CCHCR1: variants seen among roughly 807,000 people sequenced by gnomAD.
CCHCR1 encodes coiled-coil alpha-helical rod protein 1.
A neutral mutation model predicts 114.6 loss-of-function variants in CCHCR1; 91 were observed. That is an observed-to-expected ratio of 0.79 (90% CI 0.67 to 0.94). CCHCR1 has a LOEUF of 0.94. CCHCR1 is among the 40% of genes least tolerant of loss of function. The probability of loss-of-function intolerance (pLI) is 0.00; values close to 1 mark genes in which losing one functional copy is unlikely to be tolerated. For synonymous variants in CCHCR1, 379 were observed against 428.5 expected (o/e 0.88, Z 1.43); for missense variants, 899 against 1,079.9 (o/e 0.83, Z 2.35).
At position 31,143,375 on chromosome 6, in the gene CCHCR1, C is replaced by T; in HGVS notation, c.2206G>A (p.Glu736Lys). 6.2e-7 allele frequency: 1 copy of T among 1,612,970 alleles called. No individual in the cohort carries two copies. Among genetic ancestry groups the T allele is most frequent in the African/African-American group, 1.3e-5 (1 of 75,026 alleles). The change falls in exon 16 of 18, where the codon GAA (glutamate) becomes AAA (lysine). Residue 736 changes from glutamate (E) to lysine (K), a missense_variant. Glu to Lys is a moderately conservative substitution (Grantham distance 56). Transcript: ENST00000396268. This position sits in a 1 kb window ranked among gnomAD's most constrained non-coding sequence, Gnocchi z 5.3. ...LRQIQRRAAQEKERSQELRRL... is the reference protein window; with the variant it reads ...LRQIQRRAAQKKERSQELRRL... Reference sequence around the variant, plus strand: ...CTGAGTTCCTGGCTCCGCTCCTTTTCCTGGGCGGCTCTGCGCTGAATCTGG... The same window carrying T: ...CTGAGTTCCTGGCTCCGCTCCTTTTTCTGGGCGGCTCTGCGCTGAATCTGG...
chr6:31,149,585 G>A (rs767314933), intron 8 of CCHCR1: 2 of 153,150 alleles, frequency 1.3e-5, no homozygotes, highest in Non-Finnish European at 2.9e-5. Context: ...TGGGACTACA[G>A]GAATGAGCCA....
In CCHCR1 at chr6:31,157,454, G is replaced by A. The variant is rs1189601647; in HGVS notation, c.147C>T (p.Pro49=). The change falls in exon 1 of 18, where the codon CCC becomes CCT. Residue 49 remains proline (P), a synonymous_variant. Transcript: ENST00000396268. ...GTGAGAAAGGAGGTACACAGTGCAGGGGTCTTGAGCGCCATCTCCAGAGTT... is the reference window on the plus strand; with the variant it reads ...GTGAGAAAGGAGGTACACAGTGCAGAGGTCTTGAGCGCCATCTCCAGAGTT... ...WRELWRWRSR[P]LHCVPPFSPL... The A allele has an allele frequency of 6.2e-7, 1 of 1,613,036 alleles. No individual in the cohort carries two copies. The highest frequency in any genetic ancestry group is 1.3e-5 in the African/African-American group (1 of 75,038).
chr6:31,156,393 C>A (rs1776013845), intron 3 of CCHCR1: 1 of 329,820 alleles, frequency 3.0e-6, no homozygotes, highest in Non-Finnish European at 5.5e-6. Flanking sequence ...TGAACCCACA[C>A]TGCCACAGTG....
intron 3 of CCHCR1, among the ~76,000 whole-genome samples, chr6:31,155,691 G>T (rs1255868091): frequency 6.6e-6 from 1 of 152,064 alleles, no homozygotes; most frequent in Non-Finnish European, 1.5e-5. Flanking sequence ...AGCCTTTAGA[G>T]AAATCGTCTA....
chr6:31,150,875 G>T lies in CCHCR1; in HGVS notation c.966-15C>A, dbSNP rs757525647. ...CCTGGGTCTTGCTAGGGTTGGGGTG[G>T]GAATGGGACAGCCATCAGTGGGGCG... On this transcript the variant is annotated splice_polypyrimidine_tract_variant and intron_variant, in intron 5 of 17. Coordinates refer to ENST00000396268, the MANE Select transcript of CCHCR1 (RefSeq NM_001105564.2). This position sits in a 1 kb window ranked among gnomAD's most constrained non-coding sequence, Gnocchi z 5.3. The T allele has an allele frequency of 6.2e-7, 1 of 1,612,030 alleles. No homozygotes were observed. The highest frequency in any genetic ancestry group is 1.3e-5 in the African/African-American group (1 of 74,904).
chr6:31,142,634 G>T lies in CCHCR1; in HGVS notation c.2574C>A (p.Asn858Lys). The T allele has an allele frequency of 6.2e-7, 1 of 1,613,506 alleles. No individual in the cohort carries two copies. Among genetic ancestry groups the T allele is most frequent in the Non-Finnish European group, 8.5e-7 (1 of 1,179,892 alleles). Residue 858 changes from asparagine to lysine, a missense_variant, in exon 18 of 18, where the codon AAC (asparagine) becomes AAA (lysine). Physicochemically the swap from Asn to Lys is moderately conservative, Grantham distance 94 (BLOSUM62 0). Transcript: ENST00000396268. ...SKEEAVCQGD[N>K]LDRCSSSNPQ... The stretch of plus-strand genomic sequence containing the variant: ...GATTGGAGCTGGAGCATCTGTCAAG[G>T]TTGTCTCCTTGACAAACAGCTTCCT...
rs1314893145 is a variant in CCHCR1, at chr6:31,148,723, G to C, written c.1368C>G (p.Ala456=). The C allele has an allele frequency of 6.2e-7, 1 of 1,603,042 alleles. No individual in the cohort carries two copies. The highest frequency in any genetic ancestry group is 8.5e-7 in the Non-Finnish European group (1 of 1,171,028). ...DSVKQLKGQV[A]SLQEKVTSQS... is the part of the protein sequence containing the mutation. ...GGGATGTCACTTTTTCCTGGAGTGA[G>C]GCCACCTGGGGGAGGAGAGAGAGCT... The change falls in exon 9 of 18, where the codon GCC becomes GCG. Residue 456 remains alanine, a synonymous_variant. Coordinates refer to ENST00000396268, the MANE Select transcript of CCHCR1 (RefSeq NM_001105564.2).
chr6:31,157,847 G>A (rs900246091), upstream of CCHCR1: 1 of 535,818 alleles, frequency 1.9e-6, no homozygotes, highest in African/African-American at 2.3e-5. Context: ...CCCGAATCTG[G>A]GATCCCTACT....
Position 31,150,804 on chromosome 6 carries a change from T to C in CCHCR1, c.1022A>G (p.Tyr341Cys). The C allele has an allele frequency of 6.2e-7, 1 of 1,613,054 alleles. No homozygotes were observed. The highest frequency in any genetic ancestry group is 8.5e-7 in the Non-Finnish European group (1 of 1,180,020). ...QVTLVENLRK[Y>C]VGEQVPSEVH... ...CTCAGAAGGCACTTGTTCCCCAACA[T>C]ATTTTCTTAGATTCTCAACCAGGGT... Residue 341 changes from tyrosine (Y) to cysteine (C), a missense_variant, in exon 6 of 18, where the codon TAT becomes TGT. Transcript: ENST00000396268. The surrounding 1 kb of genome is among the most constrained non-coding windows in gnomAD (Gnocchi z 5.3).
chr6:31,145,748 G>C lies in CCHCR1; in HGVS notation c.1641C>G (p.Pro547=). 6.2e-7 allele frequency: 1 copy of C among 1,613,398 alleles called. No individual in the cohort carries two copies. The highest frequency in any genetic ancestry group is 8.5e-7 in the Non-Finnish European group (1 of 1,180,012). ...AKVEGAAAQL[P]SLNNRLSYAV... Reference sequence around the variant, plus strand: ...CATAGCTGAGTCGGTTGTTGAGGCTGGGAAGCTGGGCGGCAGCCCCTTCCA... The same window carrying C: ...CATAGCTGAGTCGGTTGTTGAGGCTCGGAAGCTGGGCGGCAGCCCCTTCCA... The change falls in exon 11 of 18, where the codon CCC becomes CCG. Residue 547 remains proline, a synonymous_variant. Coordinates refer to ENST00000396268, the MANE Select transcript of CCHCR1 (RefSeq NM_001105564.2).
chr6:31,154,799 C>T lies in CCHCR1; in HGVS notation c.498G>A (p.Arg166=), dbSNP rs1775758266. Residue 166 remains arginine (R), a splice_region_variant and synonymous_variant, in exon 4 of 18, where the codon AGG becomes AGA. Coordinates refer to ENST00000396268, the MANE Select transcript of CCHCR1 (RefSeq NM_001105564.2). This position sits in a 1 kb window ranked among gnomAD's most constrained non-coding sequence, Gnocchi z 4.1. ...SDRQEPGRRG[R]SWGLEGSQAL... ...CCTGTGACCCCTCCAGCCCCCAGGA[C>T]CTTCAAAGACAGGTTAGTGCAGGTG... 2 of 1,599,156 alleles carry T rather than the reference C, an allele frequency of 1.3e-6. No individual in the cohort carries two copies. Among genetic ancestry groups the T allele is most frequent in the Non-Finnish European group, 1.7e-6 (2 of 1,177,558 alleles).
At chr6:31,148,838 C>CGGGG in intron 8 of CCHCR1, 110 bp from the exon 9 acceptor site, 2 of 4,942 alleles carry the variant, frequency 4.0e-4, no homozygotes, top group South Asian at 2.8e-3. Flanking sequence ...CATGCAGGGG[C>CGGGG]TGGGGGGAGG....
chr6:31,144,471 A>G lies in CCHCR1; in HGVS notation c.2167+216T>C. Reference sequence around the variant, plus strand: ...CGGCCTCCCAAAGTGCTTGGATTACAGGCATAAGCCACCGCGACCGGCCAT... The same window carrying G: ...CGGCCTCCCAAAGTGCTTGGATTACGGGCATAAGCCACCGCGACCGGCCAT... On this transcript the variant is annotated intron_variant, in intron 15 of 17. Coordinates refer to ENST00000396268, the MANE Select transcript of CCHCR1 (RefSeq NM_001105564.2). This position sits in a 1 kb window ranked among gnomAD's most constrained non-coding sequence, Gnocchi z 4.6. 2 of 494,652 alleles carry G rather than the reference A, an allele frequency of 4.0e-6. No homozygotes were observed. Among genetic ancestry groups the G allele is most frequent in the Non-Finnish European group, 3.5e-6 (1 of 282,078 alleles). The allele number at this position is 494,652 out of a possible 1,614,324, so 30.6% of individuals were successfully genotyped here.
Position 31,142,712 on chromosome 6 carries a change from G to A in CCHCR1, c.2496C>T (p.Ser832=). Residue 832 remains serine, a synonymous_variant, in exon 18 of 18, where the codon TCC becomes TCT. Transcript: ENST00000396268. ...GCAGGTCATCGAGCAGGACAGAGAG[G>A]GACCCTGGGAAGGAAGACAGCAGAT... ...AVPTRESIKG[S]LSVLLDDLQD... is the part of the protein sequence containing the mutation. The A allele has an allele frequency of 2.5e-6, 4 of 1,607,610 alleles. No homozygotes were observed. Among genetic ancestry groups the A allele is most frequent in the Non-Finnish European group, 3.4e-6 (4 of 1,177,202 alleles).
At position 31,154,407 on chromosome 6, in the gene CCHCR1, G is replaced by A; in HGVS notation, c.801+89C>T. 1.0e-6 allele frequency: 1 copy of A among 967,170 alleles called. No homozygotes were observed. Among genetic ancestry groups the A allele is most frequent in the Non-Finnish European group, 1.6e-6 (1 of 621,774 alleles). 59.9% of individuals were successfully genotyped at this position (967,170 alleles called of 1,614,324 possible). ...CACTCTACTACTCACTACTCATGGA[G>A]GGTCTTTTCTGCAATACCTGTTCTT... On this transcript the variant is annotated intron_variant, in intron 4 of 17. Coordinates refer to ENST00000396268, the MANE Select transcript of CCHCR1 (RefSeq NM_001105564.2). This position sits in a 1 kb window ranked among gnomAD's most constrained non-coding sequence, Gnocchi z 4.1.
rs537541346 is a variant in CCHCR1, at chr6:31,142,499, A to C, written c.*93T>G. ...AGACTCAGCTGGTATCCCCCAGGGC[A>C]ACCCCAGGATGGGGAAGGGCTGGTC... On this transcript the variant is annotated 3_prime_UTR_variant, in exon 18 of 18. Coordinates refer to ENST00000396268, the MANE Select transcript of CCHCR1 (RefSeq NM_001105564.2). 61 of 1,236,638 alleles carry C rather than the reference A, an allele frequency of 4.9e-5. No homozygotes were observed. In the African/African-American group the frequency reaches 8.0e-4, roughly 16 times the overall value. The allele number at this position is 1,236,638 out of a possible 1,614,324, so 76.6% of individuals were successfully genotyped here.
In CCHCR1 at chr6:31,144,078, A is replaced by G. The variant is rs1350567922; in HGVS notation, c.2167+609T>C. On this transcript the variant is annotated intron_variant, in intron 15 of 17. Transcript: ENST00000396268. This position sits in a 1 kb window ranked among gnomAD's most constrained non-coding sequence, Gnocchi z 4.6. The stretch of plus-strand genomic sequence containing the variant: ...TCTCAAACAACAACAACAACAAAAC[A>G]TTAAATGATTACAACTTAAAGTGAT... 6.6e-6 allele frequency among the ~76,000 whole-genome samples: 1 copy of G among 152,166 alleles called. No individual in the cohort carries two copies. The highest frequency in any genetic ancestry group is 2.4e-5 in the African/African-American group (1 of 41,436).
rs780297689 is a variant in CCHCR1, at chr6:31,150,744, T to C, written c.1082A>G (p.Lys361Arg). The C allele has an allele frequency of 6.2e-7, 1 of 1,612,888 alleles. No individual in the cohort carries two copies. The highest frequency in any genetic ancestry group is 1.1e-5 in the South Asian group (1 of 91,080). Residue 361 changes from lysine (K) to arginine (R), a missense_variant, in exon 6 of 18, where the codon AAG becomes AGG. Physicochemically the swap from Lys to Arg is conservative, Grantham distance 26. Coordinates refer to ENST00000396268, the MANE Select transcript of CCHCR1 (RefSeq NM_001105564.2). This position sits in a 1 kb window ranked among gnomAD's most constrained non-coding sequence, Gnocchi z 5.3. ...CCTCACCTGCATGGTTTCCAGAAGC[T>C]TCTGTCGCTCCAGTTCCCATGTCTG... is the stretch of plus-strand genomic sequence containing the variant. The part of the protein sequence containing the change: ...HSQTWELERQ[K>R]LLETMQHLQE...
chr6:31,157,265 A>C (rs1776165753), intron 1 of CCHCR1, 120 bp downstream of exon 1: 9 of 1,051,610 alleles, frequency 8.6e-6, no homozygotes, highest in Non-Finnish European at 1.3e-5. Flanking sequence ...TGCTTGTCTC[A>C]ACCTGGTTCC....
Sources: allele counts gnomAD v4.1 joint callset (sites outside exome capture counted in the v4.1 genomes callset), GRCh38; gene constraint gnomAD v4.1.1; non-coding constraint Gnocchi (gnomAD v3.1); transcripts MANE v1.5; gene names NCBI Gene and HGNC (gene_info 2026-07-23, HGNC 2026-07-21).